Variants in SERINC5 observed in about 807,000 individuals in gnomAD.
SERINC5 encodes serine incorporator 5, also known as chromosome 5 open reading frame 12.
In SERINC5, 41 loss-of-function variants were observed where a neutral mutation model predicts 63.1. The observed-to-expected ratio is 0.65, with a 90% CI of 0.51 to 0.84. The LOEUF is 0.84. Ranked by LOEUF, SERINC5 falls within the 40% of genes least tolerant of loss-of-function variation. The pLI is 0.00. For missense variants in SERINC5, 523 were observed against 573.0 expected, an observed-to-expected ratio of 0.91 and a Z score of 0.89; for synonymous variants, 222 against 215.2, an observed-to-expected ratio of 1.03 and a Z score of -0.28.
In SERINC5 at chr5:80,189,126, T is replaced by C. The variant is rs79759239; in HGVS notation, c.196-11062A>G. 1.0e-2 allele frequency among the ~76,000 whole-genome samples: 1,521 copies of C among 152,300 alleles called. 24 individuals are homozygous for C. The highest frequency in any genetic ancestry group is 0.034 in the African/African-American group (1,431 of 41,560). On this transcript the variant is annotated intron_variant, in intron 2 of 11. Coordinates refer to ENST00000507668, the MANE Select transcript of SERINC5 (RefSeq NM_001174072.3). ...AGGACAGAAGCTAAAGTCAGCTTTA[T>C]GACAGAAGTCATAAAGTTAGTACAT...
chr5:80,202,884 A>C lies in SERINC5; in HGVS notation c.195+2T>G, dbSNP rs754927383. 3 of 1,607,036 alleles carry C rather than the reference A, an allele frequency of 1.9e-6. No individual in the cohort carries two copies. On this transcript the variant is annotated splice_donor_variant, in intron 2 of 11. Coordinates refer to ENST00000507668, the MANE Select transcript of SERINC5 (RefSeq NM_001174072.3). LOFTEE classifies it high-confidence loss of function. ...GGACGAGCTGAACACGGACAAACTT[A>C]CGTGCTCTTTCATCTTGTGAGCCAC...
chr5:80,244,599 G>A (rs1305045994), intron 1 of SERINC5, among the ~76,000 whole-genome samples: 12 of 151,844 alleles, frequency 7.9e-5, no homozygotes, highest in Admixed American at 6.6e-4. Flanking sequence ...GGGAGGCTGA[G>A]GCGGGTTGAT....
rs1314853466 is a variant in SERINC5, at chr5:80,174,970, T to TA, written c.534dup (p.Lys179Ter). On this transcript the variant is annotated frameshift_variant, in exon 5 of 12. Coordinates refer to ENST00000507668, the MANE Select transcript of SERINC5 (RefSeq NM_001174072.3). LOFTEE classifies it high-confidence loss of function. ...GGCACACACCAGTTCTTGTTCCACT[T>TA]ATGTGCAAACTCCACGAGCAGGAGG... The TA allele has an allele frequency of 3.1e-6, 5 of 1,600,264 alleles. No homozygotes were observed. Among genetic ancestry groups the TA allele is most frequent in the Non-Finnish European group, 4.3e-6 (5 of 1,173,148 alleles).
intron 1 of SERINC5, among the ~76,000 whole-genome samples, chr5:80,253,176 C>G (rs1471801811): frequency 3.9e-5 from 6 of 152,192 alleles, no homozygotes; most frequent in Admixed American, 3.9e-4. Flanking sequence ...AGTTCTACCT[C>G]TGAAATATAC....
At chr5:80,184,260 C>A (rs1295587714) in intron 2 of SERINC5, among the ~76,000 whole-genome samples, 1 of 152,198 alleles carries the variant, frequency 6.6e-6, no homozygotes, top group East Asian at 1.9e-4. Flanking sequence ...CTCTTCTACT[C>A]CATCAGCAAC....
intron 5 of SERINC5, among the ~76,000 whole-genome samples, chr5:80,173,575 G>T (rs1362205488): frequency 6.6e-6 from 1 of 151,956 alleles, no homozygotes; most frequent in Non-Finnish European, 1.5e-5. Context: ...CAGCCTGGGC[G>T]ACAGAACGAG....
At chr5:80,217,853 T>C (rs1415115055) in intron 1 of SERINC5, among the ~76,000 whole-genome samples, 1 of 152,120 alleles carries the variant, frequency 6.6e-6, no homozygotes, top group Non-Finnish European at 1.5e-5. Context: ...ATTTTCCTGA[T>C]GTGAAAACCG....
intron 11 of SERINC5, among the ~76,000 whole-genome samples, chr5:80,130,262 C>G (rs1165161182): frequency 6.6e-6 from 1 of 152,084 alleles, no homozygotes; most frequent in Non-Finnish European, 1.5e-5. Flanking sequence ...CACCTGTAAT[C>G]CCAGCTACTC....
At chr5:80,216,049 C>T (rs886947130) in intron 1 of SERINC5, among the ~76,000 whole-genome samples, 2 of 152,200 alleles carry the variant, frequency 1.3e-5, no homozygotes, top group African/African-American at 4.8e-5. Context: ...ACACTTGATA[C>T]ATTTTAGCAG....
At position 80,155,264 on chromosome 5, in the gene SERINC5, C is replaced by T. The variant is rs145767859; in HGVS notation, c.986+3572G>A. ...ACTAAAGGGGTGTGGAGGGATGCGC[C>T]TATAGAAAGAGCCATCAGGGCTGGC... On this transcript the variant is annotated intron_variant, in intron 8 of 11. Coordinates refer to ENST00000507668, the MANE Select transcript of SERINC5 (RefSeq NM_001174072.3). Among the ~76,000 whole-genome samples, 6 of 152,274 alleles carry T rather than the reference C, an allele frequency of 3.9e-5. No homozygotes were observed. The East Asian group carries it at 1.2e-3, about 29-fold the overall frequency.
intron 2 of SERINC5, among the ~76,000 whole-genome samples, chr5:80,190,795 T>C (rs1458695533): frequency 6.6e-6 from 1 of 152,170 alleles, no homozygotes; most frequent in Non-Finnish European, 1.5e-5. Context: ...CCATTACCTG[T>C]TCCCCAGTTC....
rs889035594 is a variant in SERINC5, at chr5:80,143,027, T to C, written c.*636A>G. ...TGTGGGACCCAGAAAAGATGAGACCTCGGGGAAGGGTGCAGGCAGAGAGTG... is the reference window on the plus strand; with the variant it reads ...TGTGGGACCCAGAAAAGATGAGACCCCGGGGAAGGGTGCAGGCAGAGAGTG... On this transcript the variant is annotated 3_prime_UTR_variant, in exon 12 of 12. Coordinates refer to ENST00000507668, the MANE Select transcript of SERINC5 (RefSeq NM_001174072.3). 2.5e-5 allele frequency: 25 copies of C among 985,276 alleles called. No individual in the cohort carries two copies. The highest frequency in any genetic ancestry group is 3.0e-5 in the Non-Finnish European group (25 of 829,962). 61.0% of individuals were successfully genotyped at this position (985,276 alleles called of 1,614,324 possible). A position where few individuals can be genotyped will look rare whatever the true frequency, so the allele number is the denominator to read the frequency against.
intron 7 of SERINC5, among the ~76,000 whole-genome samples, chr5:80,164,384 T>C (rs967312684): frequency 2.0e-5 from 3 of 152,008 alleles, no homozygotes; most frequent in Non-Finnish European, 2.9e-5. Context: ...TATTTTATTT[T>C]ATTTTTTTGA....
At chr5:80,249,315 CAA>C (rs1023861450) in intron 1 of SERINC5, among the ~76,000 whole-genome samples, 3 of 123,518 alleles carry the variant, frequency 2.4e-5, no homozygotes, top group Non-Finnish European at 3.5e-5. Context: ...ACTCTGTCTC[CAA>C]AAAAAAAAAG....
intron 1 of SERINC5, among the ~76,000 whole-genome samples, chr5:80,225,033 C>T (rs1490341204): frequency 6.6e-6 from 1 of 151,028 alleles, no homozygotes; most frequent in Non-Finnish European, 1.5e-5. Flanking sequence ...CTCTGCCTCC[C>T]AGGTTCAAGC....
intron 11 of SERINC5, among the ~76,000 whole-genome samples, chr5:80,119,175 A>G (rs1744445749): frequency 6.6e-6 from 1 of 152,214 alleles, no homozygotes; most frequent in South Asian, 2.1e-4. Flanking sequence ...TGAAAGAATT[A>G]AATAAGCTAA....
chr5:80,119,137 G>A (rs1744443888), intron 11 of SERINC5, among the ~76,000 whole-genome samples: 1 of 152,094 alleles, frequency 6.6e-6, no homozygotes, highest in Admixed American at 6.5e-5. Context: ...GGCCAATAAT[G>A]CCAATAATGC....
rs1271488535 is a variant in SERINC5 at position 80,139,103 on chromosome 5, A to C, written c.*4560T>G. 13 of 984,408 alleles carry C rather than the reference A, an allele frequency of 1.3e-5. No homozygotes were observed. The highest frequency in any genetic ancestry group is 1.6e-5 in the Non-Finnish European group (13 of 829,076). The allele number at this position is 984,408 out of a possible 1,614,324, so 61.0% of individuals were successfully genotyped here. Reference sequence around the variant, plus strand: ...ATAAATTTCAAACAGTAGATTTACCACACATATTGCATTTTCAAATTCTAA... The same window carrying C: ...ATAAATTTCAAACAGTAGATTTACCCCACATATTGCATTTTCAAATTCTAA... On this transcript the variant is annotated 3_prime_UTR_variant, in exon 12 of 12. Coordinates refer to ENST00000507668, the MANE Select transcript of SERINC5 (RefSeq NM_001174072.3).
chr5:80,132,604 T>C (rs1744992462), intron 11 of SERINC5, among the ~76,000 whole-genome samples: 1 of 151,968 alleles, frequency 6.6e-6, no homozygotes, highest in African/African-American at 2.4e-5. Flanking sequence ...TAGTTCTTTT[T>C]TTTTTTATTT....
Sources: allele counts gnomAD v4.1 joint callset (sites outside exome capture counted in the v4.1 genomes callset), GRCh38; gene constraint gnomAD v4.1.1; transcripts MANE v1.5; gene names NCBI Gene and HGNC (gene_info 2026-07-23, HGNC 2026-07-21).